The following TRHDE variants were observed in gnomAD, a reference collection of about 807,000 sequenced individuals.
TRHDE encodes thyrotropin-releasing hormone-degrading ectoenzyme.
In TRHDE, 72 loss-of-function variants were observed where a neutral mutation model predicts 125.7. The observed-to-expected ratio is 0.57, with a 90% confidence interval of 0.47 to 0.70. The LOEUF (loss-of-function observed/expected upper bound fraction) is 0.70. Ranked by LOEUF, TRHDE falls within the 30% of genes least tolerant of loss-of-function variation. The pLI is 0.00. For missense variants in TRHDE, 1,110 were observed against 1,327.1 expected, an observed-to-expected ratio of 0.84 and a Z score of 2.54; for synonymous variants, 509 against 509.1, an observed-to-expected ratio of 1.00 and a Z score of 0.00.
At chr12:72,536,979 G>C (rs368783631) in intron 6 of TRHDE, among the ~76,000 whole-genome samples, 6 of 151,998 alleles carry the variant, frequency 3.9e-5, no homozygotes, top group African/African-American at 1.4e-4. Context: ...TCTAGAGACA[G>C]TCATGTAAAT....
chr12:72,139,195 G>T (rs1876057059), intron 2 of TRHDE, among the ~76,000 whole-genome samples: 1 of 151,834 alleles, frequency 6.6e-6, no homozygotes, highest in South Asian at 2.1e-4. Context: ...TGAGTGTAAA[G>T]GAAGAAATAC....
At chr12:72,412,399 G>A (rs1243699383) in intron 3 of TRHDE, among the ~76,000 whole-genome samples, 1 of 152,020 alleles carries the variant, frequency 6.6e-6, no homozygotes, top group Non-Finnish European at 1.5e-5. Flanking sequence ...CATCTGGTTG[G>A]TAAAAATTAT....
At chr12:72,368,096 T>G (rs934789920) in intron 2 of TRHDE, among the ~76,000 whole-genome samples, 1 of 152,180 alleles carries the variant, frequency 6.6e-6, no homozygotes, top group African/African-American at 2.4e-5. Flanking sequence ...AATTCATTTT[T>G]AAACAACAAA....
chr12:72,487,906 A>G (rs1453326700), intron 5 of TRHDE, among the ~76,000 whole-genome samples: 1 of 152,154 alleles, frequency 6.6e-6, no homozygotes, highest in East Asian at 1.9e-4. Flanking sequence ...GTAAAAGTTC[A>G]GAGTTTTTGT....
intron 7 of TRHDE, among the ~76,000 whole-genome samples, chr12:72,558,790 A>G (rs927904864): frequency 1.3e-5 from 2 of 152,154 alleles, no homozygotes; most frequent in Non-Finnish European, 1.5e-5. Context: ...CTAGAGGTGG[A>G]TGAGAAGGTC....
intron 2 of TRHDE, among the ~76,000 whole-genome samples, chr12:72,314,293 CTTT>C (rs1868691298): frequency 7.1e-6 from 1 of 140,076 alleles, no homozygotes; most frequent in African/African-American, 2.6e-5. Context: ...CTTTTCTTTT[CTTT>C]CTTTCTTTTC....
intron 3 of TRHDE, among the ~76,000 whole-genome samples, chr12:72,396,784 T>G (rs1177749158): frequency 6.6e-6 from 1 of 151,996 alleles, no homozygotes; most frequent in East Asian, 1.9e-4. Flanking sequence ...AAAACTTTAT[T>G]CTCTTGGCTC....
chr12:72,123,193 C>A (rs1875632099), intron 2 of TRHDE, among the ~76,000 whole-genome samples: 1 of 152,054 alleles, frequency 6.6e-6, no homozygotes, highest in Non-Finnish European at 1.5e-5. Context: ...TGAATTTAAT[C>A]TCGGGTAATG....
intron 2 of TRHDE, among the ~76,000 whole-genome samples, chr12:72,162,027 A>G (rs1410711864): frequency 6.6e-6 from 1 of 152,172 alleles, no homozygotes; most frequent in Non-Finnish European, 1.5e-5. Context: ...TTACTATGGC[A>G]CTTAGTAAAT....
intron 5 of TRHDE, among the ~76,000 whole-genome samples, chr12:72,496,021 T>C (rs1877899691): frequency 6.6e-6 from 1 of 152,222 alleles, no homozygotes; most frequent in Non-Finnish European, 1.5e-5. Context: ...ATTGAACTTA[T>C]TTTAAACAGA....
chr12:72,666,448 G>A lies in TRHDE; in HGVS notation c.*3253G>A, dbSNP rs1021785316. 1 of 152,112 alleles carries A rather than the reference G, an allele frequency of 6.6e-6. No homozygotes were observed. Among genetic ancestry groups the A allele is most frequent in the Non-Finnish European group, 1.5e-5 (1 of 68,036 alleles). The allele number at this position is 152,112 out of a possible 1,614,324, so 9.4% of individuals were successfully genotyped here. ...TGCACCTGTTGTCCCAGCTACTGGG[G>A]AGGCTGAGGTGGGAGAATTATTTAA... On this transcript the variant is annotated 3_prime_UTR_variant, in exon 19 of 19. Coordinates refer to ENST00000261180, the MANE Select transcript of TRHDE (RefSeq NM_013381.3).
At chr12:72,412,522 T>G (rs1384661181) in intron 3 of TRHDE, among the ~76,000 whole-genome samples, 1 of 152,090 alleles carries the variant, frequency 6.6e-6, no homozygotes, top group African/African-American at 2.4e-5. Context: ...GAGTTGAAGA[T>G]GGGCCTGTCC....
chr12:72,516,553 A>G lies in TRHDE; in HGVS notation c.1722+16918A>G, dbSNP rs796753786. 9.9e-5 allele frequency among the ~76,000 whole-genome samples: 15 copies of G among 152,132 alleles called. 1 individual carries two copies. Among genetic ancestry groups the G allele is most frequent in the South Asian group, 8.3e-4 (4 of 4,824 alleles). ...CTTAAGGAGACTTTGGGCTGAGACA[A>G]TGGGGTTTTCTAGATATACAATCAT... On this transcript the variant is annotated intron_variant, in intron 6 of 18. Coordinates refer to ENST00000261180, the MANE Select transcript of TRHDE (RefSeq NM_013381.3).
intron 5 of TRHDE, among the ~76,000 whole-genome samples, chr12:72,478,850 G>A (rs1376591063): frequency 6.8e-6 from 1 of 146,004 alleles, no homozygotes; most frequent in Non-Finnish European, 1.5e-5. Flanking sequence ...CAAAAAGAAT[G>A]TCAGAGTTAA....
At chr12:72,281,868 G>A (rs557468308) in intron 1 of TRHDE, among the ~76,000 whole-genome samples, 1 of 152,222 alleles carries the variant, frequency 6.6e-6, no homozygotes, top group Admixed American at 6.5e-5. Context: ...GTGAACTTCC[G>A]CAGAAATAAG....
chr12:72,377,814 A>G (rs1315061570), intron 2 of TRHDE, among the ~76,000 whole-genome samples, 181 bp from the exon 3 acceptor site: 3 of 152,066 alleles, frequency 2.0e-5, no homozygotes, highest in Non-Finnish European at 4.4e-5. Flanking sequence ...GGTTACTTCA[A>G]TTACTTCAAT....
intron 6 of TRHDE, among the ~76,000 whole-genome samples, chr12:72,537,613 C>T (rs990391110): frequency 7.2e-5 from 11 of 151,994 alleles, no homozygotes; most frequent in African/African-American, 1.7e-4. Context: ...AGTGTGAGAA[C>T]GGACTAGTAC....
intron 2 of TRHDE, among the ~76,000 whole-genome samples, chr12:72,111,959 G>A (rs933129107): frequency 1.2e-4 from 18 of 151,806 alleles, no homozygotes; most frequent in Admixed American, 1.2e-3. Flanking sequence ...ATCCAGCAAA[G>A]CTACAGTGTT....
At chr12:72,464,870 G>T (rs1033102049) in intron 3 of TRHDE, among the ~76,000 whole-genome samples, 4 of 152,094 alleles carry the variant, frequency 2.6e-5, no homozygotes, top group African/African-American at 9.7e-5. Flanking sequence ...AACAAGTAGA[G>T]CAAGTCAGAT....
Sources: gnomAD v4.1 joint callset for allele counts (sites outside exome capture counted in the v4.1 genomes callset) on GRCh38, gnomAD v4.1.1 for gene constraint, MANE v1.5 for transcripts, NCBI Gene and HGNC (gene_info 2026-07-23, HGNC 2026-07-21) for gene names.